The following ATP11C variants were observed in gnomAD, a reference collection of about 807,000 sequenced individuals.
ATP11C encodes the protein ATPase phospholipid transporting 11C (ATP11C blood group).
In ATP11C, 36 loss-of-function variants were observed where a neutral mutation model predicts 97.4. That is an observed-to-expected ratio of 0.37 (90% CI 0.28 to 0.49). ATP11C has a LOEUF of 0.49. ATP11C is among the 20% of genes least tolerant of loss of function. The probability of loss-of-function intolerance (pLI) is 0.98; values close to 1 mark genes in which losing one functional copy is unlikely to be tolerated. For synonymous variants in ATP11C, 275 were observed against 290.9 expected, an observed-to-expected ratio of 0.95 and a Z score of 0.56; for missense variants, 730 against 824.6, an observed-to-expected ratio of 0.89 and a Z score of 1.40.
chrX:139,900,331 T>G (rs1476509127), intron 1 of ATP11C, among the ~76,000 whole-genome samples: 2 of 91,938 alleles, frequency 2.2e-5, no homozygotes, highest in Non-Finnish European at 4.1e-5. Context: ...ATCTTGCCAC[T>G]GCACTCCAGC....
chrX:139,846,055 A>G (rs939234406), intron 1 of ATP11C, among the ~76,000 whole-genome samples: 7 of 112,077 alleles, frequency 6.2e-5, no homozygotes, highest in African/African-American at 1.9e-4. Flanking sequence ...AGTCTGACTT[A>G]TACGTTCATA....
chrX:139,810,323 C>T (rs759630537), intron 5 of ATP11C, among the ~76,000 whole-genome samples: 1 of 111,109 alleles, frequency 9.0e-6, no homozygotes, highest in South Asian at 3.8e-4. Context: ...GGCATGGTGG[C>T]GCATGCCTGT....
rs756016803 is a variant in ATP11C, at chrX:139,800,022, C to A, written c.710+38G>T. 6.0e-5 allele frequency: 36 copies of A among 596,102 alleles called. 2 individuals carry two copies. The highest frequency in any genetic ancestry group is 8.4e-5 in the Non-Finnish European group (32 of 382,714). 49.1% of individuals were successfully genotyped at this position (596,102 alleles called of 1,213,427 possible). A position where few individuals can be genotyped will look rare whatever the true frequency, so the allele number is the denominator to read the frequency against. On this transcript the variant is annotated intron_variant, in intron 8 of 29. Coordinates refer to ENST00000682941, the MANE Select transcript of ATP11C (RefSeq NM_001353812.2). ...TTTAACAGAAAAATAGACCCCCCCC[C>A]CCAACCAAAGGACAAATTAAAGAAA...
intron 22 of ATP11C, among the ~76,000 whole-genome samples, chrX:139,760,549 T>C (rs774591181): frequency 1.8e-5 from 2 of 112,168 alleles, no homozygotes; most frequent in Non-Finnish European, 3.8e-5. Context: ...ACTACTTGAA[T>C]TATATACTAA....
intron 3 of ATP11C, among the ~76,000 whole-genome samples, chrX:139,819,000 A>T (rs1429682582): frequency 8.9e-6 from 1 of 111,732 alleles, no homozygotes; most frequent in East Asian, 2.8e-4. Flanking sequence ...ACAAAATAAA[A>T]CTACTAGTTT....
At chrX:139,757,384 T>C (rs1257188085) in intron 23 of ATP11C, among the ~76,000 whole-genome samples, 3 of 111,834 alleles carry the variant, frequency 2.7e-5, no homozygotes, top group African/African-American at 9.7e-5. Context: ...AAAACATCTA[T>C]AGCTGCTTTA....
At chrX:139,748,247 T>C (rs1390414332) in intron 24 of ATP11C, among the ~76,000 whole-genome samples, 1 of 110,930 alleles carries the variant, frequency 9.0e-6, no homozygotes, top group Non-Finnish European at 1.9e-5. Context: ...GTGCTACTGT[T>C]GCCCATGTAT....
Position 139,847,385 on chromosome X carries a change from CAACA to C in ATP11C, c.28-20566_28-20563del, listed in dbSNP as rs780233360. ...GCAACAGAGTGAGACCCTGTCTCAT[CAACA>C]AACAAACAAACTAGCTATGTCCTAT... is the stretch of plus-strand genomic sequence containing the variant. On this transcript the variant is annotated intron_variant, in intron 1 of 29. Transcript: ENST00000682941. 1.6e-4 allele frequency among the ~76,000 whole-genome samples: 17 copies of C among 107,799 alleles called. No homozygotes were observed. The East Asian group carries it at 3.1e-3, about 20-fold the overall frequency. 93.6% of individuals were successfully genotyped at this position (107,799 alleles called of 115,157 possible). A position where few individuals can be genotyped will look rare whatever the true frequency, so the allele number is the denominator to read the frequency against.
At chrX:139,772,616 G>C (rs1414633756) in intron 19 of ATP11C, among the ~76,000 whole-genome samples, 1 of 112,139 alleles carries the variant, frequency 8.9e-6, no homozygotes, top group East Asian at 2.8e-4. Flanking sequence ...TCTTGCATCA[G>C]CATGACCTGG....
At chrX:139,760,800 A>G (rs2082022809) in intron 22 of ATP11C, among the ~76,000 whole-genome samples, 1 of 111,920 alleles carries the variant, frequency 8.9e-6, no homozygotes, top group African/African-American at 3.2e-5. Context: ...TTGGAAGAAT[A>G]TTAAATTGGG....
At chrX:139,853,079 C>A (rs776266470) in intron 1 of ATP11C, among the ~76,000 whole-genome samples, 1 of 111,437 alleles carries the variant, frequency 9.0e-6, no homozygotes, top group African/African-American at 3.3e-5. Context: ...CTGGGACAGG[C>A]AAGGCGAGAC....
rs1360807904 is a variant in ATP11C, at chrX:139,783,212, T to C, written c.1722A>G (p.Gln574=). The change falls in exon 17 of 30, where the codon CAA becomes CAG. Residue 574 remains glutamine, a synonymous_variant. Transcript: ENST00000682941. ...CTTTAGTTAACTCAATTTCATGATT[T>C]TGCACTCTGGGAAAAACTGCCGAGT... is the stretch of plus-strand genomic sequence containing the variant. ...GADSAVFPRV[Q]NHEIELTKVH... 1 of 1,207,710 alleles carries C rather than the reference T, an allele frequency of 8.3e-7. No homozygotes were observed. Among genetic ancestry groups the C allele is most frequent in the African/African-American group, 1.7e-5 (1 of 57,170 alleles).
chrX:139,768,268 T>C lies in ATP11C; in HGVS notation c.2383A>G (p.Lys795Glu). 1 of 1,096,708 alleles carries C rather than the reference T, an allele frequency of 9.1e-7. No homozygotes were observed. The highest frequency in any genetic ancestry group is 1.2e-6 in the Non-Finnish European group (1 of 832,178). The allele number at this position is 1,096,708 out of a possible 1,213,427, so 90.4% of individuals were successfully genotyped here. ...VLCCRMAPLQ[K>E]AQIVRMVKNL... Reference sequence around the variant, plus strand: ...CTAATATTCACAGTTACCTGGGCTTTCTGTAATGGTGCCATCCGACAGCAG... The same window carrying C: ...CTAATATTCACAGTTACCTGGGCTTCCTGTAATGGTGCCATCCGACAGCAG... Residue 795 changes from lysine to glutamate, a missense_variant, in exon 20 of 30, where the codon AAA becomes GAA. Physicochemically the swap from Lys to Glu is moderately conservative, Grantham distance 56. Transcript: ENST00000682941.
At chrX:139,764,475 C>A (rs749400835) in intron 20 of ATP11C, among the ~76,000 whole-genome samples, 59 of 112,764 alleles carry the variant, frequency 5.2e-4, no homozygotes, top group Middle Eastern at 9.3e-3. Flanking sequence ...ATTGGGTGAT[C>A]AGCTGCCCTC....
chrX:139,803,515 A>AAGAAAACC (rs2082969984), intron 6 of ATP11C, among the ~76,000 whole-genome samples: 1 of 110,053 alleles, frequency 9.1e-6, no homozygotes, highest in Non-Finnish European at 1.9e-5. Context: ...GACCATGGCC[A>AAGAAAACC]AGAAAACCGA....
At chrX:139,824,685 T>TC (rs774656205) in intron 2 of ATP11C, among the ~76,000 whole-genome samples, 435 of 110,036 alleles carry the variant, frequency 4.0e-3, no homozygotes, top group Non-Finnish European at 5.9e-3. Context: ...AGACTCTGTC[T>TC]CCCCCCCACA....
At chrX:139,860,620 C>G (rs189900928) in intron 1 of ATP11C, among the ~76,000 whole-genome samples, 1 of 111,312 alleles carries the variant, frequency 9.0e-6, no homozygotes, top group Non-Finnish European at 1.9e-5. Flanking sequence ...AAGTTCGAGA[C>G]CAGCCTGGCC....
intron 1 of ATP11C, among the ~76,000 whole-genome samples, chrX:139,899,734 A>AT (rs1010151863): frequency 1.8e-5 from 2 of 111,270 alleles, no homozygotes; most frequent in African/African-American, 6.5e-5. Context: ...TAAAATAAAA[A>AT]TTTTTTTTAA....
chrX:139,774,961 C>G lies in ATP11C; in HGVS notation c.1953-8G>C, dbSNP rs1294469289. On this transcript the variant is annotated splice_polypyrimidine_tract_variant and splice_region_variant and intron_variant, in intron 18 of 29. Coordinates refer to ENST00000682941, the MANE Select transcript of ATP11C (RefSeq NM_001353812.2). ...GCAGCTTGATCTTGTAGCCTGGGAA[C>G]ACAAAAGAAACCTTGTGATCTTCTA... is the stretch of plus-strand genomic sequence containing the variant. 8.4e-7 allele frequency: 1 copy of G among 1,190,018 alleles called. No homozygotes were observed. Among genetic ancestry groups the G allele is most frequent in the Non-Finnish European group, 1.1e-6 (1 of 885,629 alleles).
Sources: allele counts gnomAD v4.1 joint callset (sites outside exome capture counted in the v4.1 genomes callset), GRCh38; gene constraint gnomAD v4.1.1; transcripts MANE v1.5; gene names NCBI Gene and HGNC (gene_info 2026-07-23, HGNC 2026-07-21).